ERC1: variants seen among roughly 807,000 people sequenced by gnomAD.
ERC1 encodes the protein RAB6 interacting protein 2.
A neutral mutation model predicts 132.0 loss-of-function variants in ERC1; 56 were observed. The ratio of observed to expected loss-of-function variants is 0.42; its 90% CI spans 0.34 to 0.53. The LOEUF (loss-of-function observed/expected upper bound fraction) is 0.53. Among genes scored for constraint, ERC1 ranks in the 20% least tolerant of loss-of-function variants. ERC1 has a pLI of 0.03. For synonymous variants in ERC1, 478 were observed against 476.1 expected, an observed-to-expected ratio of 1.00 and a Z score of -0.05; for missense variants, 1,202 against 1,349.9, an observed-to-expected ratio of 0.89 and a Z score of 1.72.
chr12:1,328,511 CCTTTCAGGATAAAATGCAGA>C, intron 15 of ERC1, among the ~76,000 whole-genome samples: 1 of 152,242 alleles, frequency 6.6e-6, no homozygotes, highest in East Asian at 1.9e-4. Flanking sequence ...GGCTTCTTAT[CCTTTCAGGATAAAATGCAGA>C]CTCCGAAGCC....
intron 2 of ERC1, among the ~76,000 whole-genome samples, chr12:1,055,728 C>T (rs915164499): frequency 3.3e-5 from 5 of 152,190 alleles, no homozygotes; most frequent in African/African-American, 1.2e-4. Flanking sequence ...ATGGTTCTGC[C>T]ACTTCAACTG....
chr12:1,321,592 A>T (rs920734839), intron 15 of ERC1, among the ~76,000 whole-genome samples: 7 of 152,174 alleles, frequency 4.6e-5, no homozygotes, highest in African/African-American at 1.7e-4. Context: ...TCTCTTCCTG[A>T]TGAATGTTCT....
intron 12 of ERC1, among the ~76,000 whole-genome samples, chr12:1,212,737 A>G (rs1048044645): frequency 3.9e-5 from 6 of 152,264 alleles, no homozygotes; most frequent in Non-Finnish European, 8.8e-5. Context: ...CTCCCAGGTT[A>G]CACCCGTGAA....
intron 7 of ERC1, among the ~76,000 whole-genome samples, chr12:1,138,187 A>ATAAT (rs1491224974): frequency 4.3e-5 from 5 of 117,462 alleles, no homozygotes; most frequent in African/African-American, 2.0e-4. Context: ...AATATATATC[A>ATAAT]TATATAATTA....
At chr12:1,352,023 C>G (rs953381502) in intron 15 of ERC1, among the ~76,000 whole-genome samples, 1 of 152,084 alleles carries the variant, frequency 6.6e-6, no homozygotes, top group African/African-American at 2.4e-5. Flanking sequence ...GCCCAAGGAT[C>G]CATTAGGCCT....
rs191339915 is a variant in ERC1, at chr12:1,310,423, C to G, written c.2780+20411C>G. ...GGTGTTTTACCATGTTGGCCAGGCT[C>G]GTCTCGAACTCCTGACCTCAGGTGA... On this transcript the variant is annotated intron_variant, in intron 15 of 18. Transcript: ENST00000360905. Among the ~76,000 whole-genome samples, 562 of 152,086 alleles carry G rather than the reference C, an allele frequency of 3.7e-3. 6 individuals are homozygous for G. The highest frequency in any genetic ancestry group is 0.02 in the Middle Eastern group (6 of 294).
chr12:1,479,186 G>T (rs570620008), intron 18 of ERC1, among the ~76,000 whole-genome samples: 1 of 152,020 alleles, frequency 6.6e-6, no homozygotes, highest in African/African-American at 2.4e-5. Flanking sequence ...CATTGCTGCC[G>T]CCTTGCAGTG....
At chr12:1,241,678 C>G (rs2075800297) in intron 13 of ERC1, among the ~76,000 whole-genome samples, 5 of 152,018 alleles carry the variant, frequency 3.3e-5, no homozygotes, top group Admixed American at 3.3e-4. Context: ...TTAAAGTACT[C>G]TTTCTTTACC....
intron 18 of ERC1, among the ~76,000 whole-genome samples, chr12:1,477,400 A>G (rs1219652201): frequency 6.6e-6 from 1 of 152,172 alleles, no homozygotes. Context: ...TCTAAGAGAG[A>G]ACAGTGGACA....
At chr12:1,211,159 A>T (rs192021851) in intron 12 of ERC1, among the ~76,000 whole-genome samples, 2,021 of 152,156 alleles carry the variant, frequency 0.013, 49 homozygotes, top group African/African-American at 0.046. Flanking sequence ...ATATATATAT[A>T]TATTTTGAGA....
intron 12 of ERC1, among the ~76,000 whole-genome samples, chr12:1,218,388 A>G (rs1042361723): frequency 6.6e-6 from 1 of 151,970 alleles, no homozygotes; most frequent in Non-Finnish European, 1.5e-5. Context: ...TTAGAGTTCC[A>G]CTTAATGTCT....
At chr12:1,412,890 T>G (rs930474344) in intron 17 of ERC1, among the ~76,000 whole-genome samples, 2 of 152,246 alleles carry the variant, frequency 1.3e-5, no homozygotes, top group Non-Finnish European at 2.9e-5. Flanking sequence ...TTTCAATAAA[T>G]GTTAGTTCCT....
chr12:1,431,510 T>A (rs2092796146), intron 17 of ERC1, among the ~76,000 whole-genome samples: 1 of 151,294 alleles, frequency 6.6e-6, no homozygotes, highest in African/African-American at 2.4e-5. Flanking sequence ...TTCAGATTTT[T>A]AAATTATCTT....
intron 8 of ERC1, among the ~76,000 whole-genome samples, chr12:1,169,682 C>G (rs1952844693): frequency 6.6e-6 from 1 of 152,166 alleles, no homozygotes; most frequent in Admixed American, 6.5e-5. Flanking sequence ...AATAAAAATT[C>G]AATGAGATGA....
intron 8 of ERC1, 23 bp from the exon 9 acceptor site, chr12:1,180,517 C>T (rs753809343): frequency 6.2e-7 from 1 of 1,609,638 alleles, no homozygotes; most frequent in South Asian, 1.1e-5. Flanking sequence ...TCTCTTTTCC[C>T]TTAAATATTT....
intron 12 of ERC1, among the ~76,000 whole-genome samples, chr12:1,235,425 A>T (rs558962808): frequency 1.4e-4 from 22 of 152,376 alleles, no homozygotes; most frequent in Non-Finnish European, 2.4e-4. Flanking sequence ...AGAAGAAAAT[A>T]CTTACATAAC....
At chr12:1,160,322 GC>G (rs1378987266) in intron 8 of ERC1, among the ~76,000 whole-genome samples, 9 of 152,144 alleles carry the variant, frequency 5.9e-5, no homozygotes, top group African/African-American at 2.2e-4. Context: ...AATTCTAAAA[GC>G]TTTTTTTGTT....
intron 18 of ERC1, among the ~76,000 whole-genome samples, chr12:1,454,208 G>A (rs961510260): frequency 1.2e-4 from 18 of 152,166 alleles, no homozygotes; most frequent in African/African-American, 4.3e-4. Flanking sequence ...CGGAGGTGCT[G>A]GAGGTGCCCA....
At chr12:1,143,329 CGTGTGTGTGTGTGTGTGTGTGTGT>C (rs4017792) in intron 8 of ERC1, among the ~76,000 whole-genome samples, 86 of 128,970 alleles carry the variant, frequency 6.7e-4, no homozygotes, top group African/African-American at 3.3e-4. Flanking sequence ...GCTTTTGACT[CGTGTGTGTGTGTGTGTGTGTGTGT>C]GTGTGTGTGT....
Sources: allele counts gnomAD v4.1 joint callset (sites outside exome capture counted in the v4.1 genomes callset), GRCh38; gene constraint gnomAD v4.1.1; transcripts MANE v1.5; gene names NCBI Gene and HGNC (gene_info 2026-07-23, HGNC 2026-07-21).